Variants in COLGALT2 observed in about 807,000 individuals in gnomAD.
The protein encoded by COLGALT2 is collagen beta(1-O)galactosyltransferase 2.
In COLGALT2, 49 loss-of-function variants were observed where a neutral mutation model predicts 73.4. That is an observed-to-expected ratio of 0.67 (90% CI 0.53 to 0.85). The LOEUF (loss-of-function observed/expected upper bound fraction) is 0.85, where lower values mean the gene tolerates loss of function less well. Ranked by LOEUF, COLGALT2 falls within the 40% of genes least tolerant of loss-of-function variation. The pLI is 0.00. For synonymous variants in COLGALT2, 295 were observed against 307.6 expected, an observed-to-expected ratio of 0.96 and a Z score of 0.43; for missense variants, 722 against 790.2, an observed-to-expected ratio of 0.91 and a Z score of 1.03.
At chr1:183,935,231 GA>G (rs1261612364), downstream of COLGALT2, among the ~76,000 whole-genome samples, 4 of 152,258 alleles carry the variant, frequency 2.6e-5, no homozygotes, top group African/African-American at 9.6e-5. Flanking sequence ...GTTCATCTCT[GA>G]AATAAAACCA....
At chr1:184,002,568 A>C (rs933763633) in intron 1 of COLGALT2, among the ~76,000 whole-genome samples, 30 of 152,254 alleles carry the variant, frequency 2.0e-4, no homozygotes, top group Admixed American at 2.0e-4. Context: ...TGTATACACA[A>C]TTCAGATACC....
At chr1:183,996,021 C>T (rs544037428) in intron 1 of COLGALT2, among the ~76,000 whole-genome samples, 10 of 152,260 alleles carry the variant, frequency 6.6e-5, no homozygotes, top group Admixed American at 6.5e-5. Flanking sequence ...TCTAAGTAAA[C>T]GAATCTTGTG....
At chr1:183,979,551 C>A (rs1352008408) in intron 1 of COLGALT2, among the ~76,000 whole-genome samples, 1 of 152,068 alleles carries the variant, frequency 6.6e-6, no homozygotes, top group Non-Finnish European at 1.5e-5. Context: ...ATACTATCTG[C>A]AGCTACTACT....
At chr1:183,945,152 A>G (rs1415216960) in intron 9 of COLGALT2, among the ~76,000 whole-genome samples, 2 of 152,240 alleles carry the variant, frequency 1.3e-5, no homozygotes, top group Non-Finnish European at 2.9e-5. Flanking sequence ...TAGGTATAAT[A>G]GAAGGCATTC....
At chr1:183,943,294 T>G (rs927646228) in intron 10 of COLGALT2, among the ~76,000 whole-genome samples, 2 of 152,172 alleles carry the variant, frequency 1.3e-5, no homozygotes, top group South Asian at 2.1e-4. Flanking sequence ...CAGGGACAGC[T>G]CCTCTGCTGC....
At chr1:183,946,570 G>A (rs982750610) in intron 8 of COLGALT2, 2 of 152,202 alleles carry the variant, frequency 1.3e-5, no homozygotes, top group African/African-American at 4.8e-5. Flanking sequence ...ATAAGAGGCA[G>A]CCTTTAGATT....
chr1:183,994,589 G>A (rs1411502481), intron 1 of COLGALT2, among the ~76,000 whole-genome samples: 3 of 152,098 alleles, frequency 2.0e-5, no homozygotes, highest in Non-Finnish European at 1.5e-5. Context: ...CGAATAGCTC[G>A]GATTACTGGG....
intron 2 of COLGALT2, among the ~76,000 whole-genome samples, chr1:183,977,262 G>A (rs978700348): frequency 6.0e-5 from 9 of 150,390 alleles, no homozygotes; most frequent in Non-Finnish European, 1.2e-4. Context: ...ACAGGGTCAG[G>A]AGATCGAGAC....
At chr1:183,952,816 G>T (rs116351394) in intron 7 of COLGALT2, among the ~76,000 whole-genome samples, 1 of 152,256 alleles carries the variant, frequency 6.6e-6, no homozygotes, top group African/African-American at 2.4e-5. Flanking sequence ...ATAATTTTCT[G>T]TGGTGACTCT....
intron 1 of COLGALT2, among the ~76,000 whole-genome samples, chr1:184,007,979 G>A (rs953421791): frequency 8.5e-5 from 13 of 152,200 alleles, no homozygotes; most frequent in African/African-American, 3.1e-4. Flanking sequence ...ATCACAGAAT[G>A]CTTCCTGCTA....
At chr1:183,975,699 A>G (rs1431919580) in intron 2 of COLGALT2, among the ~76,000 whole-genome samples, 2 of 152,214 alleles carry the variant, frequency 1.3e-5, no homozygotes, top group Non-Finnish European at 2.9e-5. Flanking sequence ...GTCTCCACAA[A>G]TGATTCCACA....
intron 1 of COLGALT2, among the ~76,000 whole-genome samples, chr1:183,996,051 T>C (rs573852720): frequency 7.0e-4 from 106 of 152,336 alleles, no homozygotes; most frequent in African/African-American, 2.5e-3. Context: ...TTTTAAATCT[T>C]ATAGTATTCT....
At chr1:183,952,394 G>A (rs1670425809) in intron 7 of COLGALT2, among the ~76,000 whole-genome samples, 1 of 152,108 alleles carries the variant, frequency 6.6e-6, no homozygotes, top group South Asian at 2.1e-4. Context: ...AAATAGGGAG[G>A]TGCACAAACT....
At chr1:183,930,695 C>T (rs900803200) in intron 11 of COLGALT2, among the ~76,000 whole-genome samples, 1 of 148,984 alleles carries the variant, frequency 6.7e-6, no homozygotes. Flanking sequence ...GCTGGGATTA[C>T]AGGCATGAGC....
chr1:184,024,169 T>G (rs1163489279), intron 1 of COLGALT2, among the ~76,000 whole-genome samples: 1 of 152,134 alleles, frequency 6.6e-6, no homozygotes, highest in African/African-American at 2.4e-5. Context: ...TCTTGAAAGA[T>G]TAGCCTATGC....
chr1:184,006,602 A>AAATAAT (rs10691791), intron 1 of COLGALT2, among the ~76,000 whole-genome samples: 4,208 of 148,258 alleles, frequency 0.028, 59 homozygotes, highest in African/African-American at 0.038. Context: ...AATAAAAATA[A>AAATAAT]AATAATAATA....
chr1:183,997,702 C>T (rs1572665987), intron 1 of COLGALT2, among the ~76,000 whole-genome samples: 1 of 152,208 alleles, frequency 6.6e-6, no homozygotes, highest in Non-Finnish European at 1.5e-5. Flanking sequence ...TTTATAGTTT[C>T]ACTACATATG....
rs114182421 is a variant in COLGALT2 at position 183,965,314 on chromosome 1, C to T, written c.833-1294G>A. Among the ~76,000 whole-genome samples, 911 of 152,278 alleles carry T rather than the reference C, an allele frequency of 6.0e-3. 5 individuals carry two copies. Among genetic ancestry groups the T allele is most frequent in the African/African-American group, 0.021 (867 of 41,554 alleles). ...GCAAACCATTTTACCATTTAACTTTCTGAGGCTTCCATAAAAAAATGATAT... is the reference window on the plus strand; with the variant it reads ...GCAAACCATTTTACCATTTAACTTTTTGAGGCTTCCATAAAAAAATGATAT... On this transcript the variant is annotated intron_variant, in intron 5 of 11. Transcript: ENST00000361927.
At position 183,936,910 on chromosome 1, in the gene COLGALT2, G is replaced by GGTCC; in HGVS notation, c.*1850_*1851insGGAC. On this transcript the variant is annotated 3_prime_UTR_variant, in exon 12 of 12. Coordinates refer to ENST00000361927, the MANE Select transcript of COLGALT2 (RefSeq NM_015101.4). Reference sequence around the variant, plus strand: ...GAGGCTGGCGTCTGGTGGAAGGCAAGCTGCCTCTTGTCCTAAAGTGGGGAC... The same window carrying GGTCC: ...GAGGCTGGCGTCTGGTGGAAGGCAAGGTCCCTGCCTCTTGTCCTAAAGTGGGGAC... 8.1e-7 allele frequency: 1 copy of GGTCC among 1,231,802 alleles called. No homozygotes were observed. Among genetic ancestry groups the GGTCC allele is most frequent in the South Asian group, 4.1e-5 (1 of 24,320 alleles). 76.3% of individuals were successfully genotyped at this position (1,231,802 alleles called of 1,614,324 possible).
Sources: allele counts gnomAD v4.1 joint callset (sites outside exome capture counted in the v4.1 genomes callset), GRCh38; gene constraint gnomAD v4.1.1; transcripts MANE v1.5; gene names NCBI Gene and HGNC (gene_info 2026-07-23, HGNC 2026-07-21).